CNTN5: variants seen among roughly 807,000 people sequenced by gnomAD.
The protein encoded by CNTN5 is contactin 5, also known as contactin-5.
Under a neutral mutation model 129.1 loss-of-function variants are expected in CNTN5, and 77 were observed. The ratio of observed to expected loss-of-function variants is 0.60; its 90% CI spans 0.50 to 0.72. The LOEUF (loss-of-function observed/expected upper bound fraction) is 0.72, where lower values mean the gene tolerates loss of function less well. CNTN5 is among the 30% of genes least tolerant of loss of function. CNTN5 has a pLI of 0.00. For synonymous variants in CNTN5, 509 were observed against 465.6 expected (o/e 1.09, Z -1.20); for missense variants, 1,478 against 1,328.8 (o/e 1.11, Z -1.75).
chr11:99,587,775 C>T (rs1016808133), intron 3 of CNTN5, among the ~76,000 whole-genome samples: 7 of 152,098 alleles, frequency 4.6e-5, no homozygotes, highest in East Asian at 1.9e-4. Context: ...AAAATAAATG[C>T]CATTTGCTAG....
At chr11:99,060,658 G>C (rs1366823249) in intron 1 of CNTN5, among the ~76,000 whole-genome samples, 1 of 151,152 alleles carries the variant, frequency 6.6e-6, no homozygotes, top group Non-Finnish European at 1.5e-5. Context: ...AGACCTATAG[G>C]GCACAAAAAG....
intron 6 of CNTN5, among the ~76,000 whole-genome samples, chr11:99,855,240 A>G (rs1461537576): frequency 6.6e-6 from 1 of 152,112 alleles, no homozygotes; most frequent in Non-Finnish European, 1.5e-5. Context: ...GCCCGGGAGT[A>G]CTAGGTGAGC....
At chr11:99,761,400 A>G (rs530628267) in intron 3 of CNTN5, among the ~76,000 whole-genome samples, 282 of 152,156 alleles carry the variant, frequency 1.9e-3, no homozygotes, top group Admixed American at 4.6e-3. Context: ...ATATCTCCCA[A>G]TGCTATCCAT....
intron 13 of CNTN5, among the ~76,000 whole-genome samples, chr11:100,100,019 T>C (rs1023302416): frequency 6.6e-6 from 1 of 152,144 alleles, no homozygotes; most frequent in East Asian, 1.9e-4. Flanking sequence ...TGACTGCTTT[T>C]CTTCTTAGTT....
At chr11:100,287,789 T>A (rs993136093) in intron 18 of CNTN5, among the ~76,000 whole-genome samples, 8 of 151,982 alleles carry the variant, frequency 5.3e-5, no homozygotes, top group African/African-American at 1.9e-4. Flanking sequence ...GACTAAATGC[T>A]CCAATTTAAA....
At chr11:99,430,136 T>C (rs1435157157) in intron 2 of CNTN5, among the ~76,000 whole-genome samples, 1 of 152,016 alleles carries the variant, frequency 6.6e-6, no homozygotes, top group African/African-American at 2.4e-5. Context: ...TGTGAGTTAT[T>C]AGACTCCTTC....
rs542472573 is a variant in CNTN5, at chr11:99,279,864, G to A, written c.-209-45482G>A. ...TATTATCAGTAATTACAGGTGGCTC[G>A]GTGCTTTCACCTGAAAGCACAGAGG... is the stretch of plus-strand genomic sequence containing the variant. On this transcript the variant is annotated intron_variant, in intron 1 of 24. Coordinates refer to ENST00000524871, the MANE Select transcript of CNTN5 (RefSeq NM_014361.4). Among the ~76,000 whole-genome samples, 767 of 151,340 alleles carry A rather than the reference G, an allele frequency of 5.1e-3. 4 individuals are homozygous for A. Among genetic ancestry groups the A allele is most frequent in the Non-Finnish European group, 8.6e-3 (584 of 67,700 alleles).
chr11:99,146,261 T>C (rs1279918982), intron 1 of CNTN5, among the ~76,000 whole-genome samples: 1 of 152,174 alleles, frequency 6.6e-6, no homozygotes, highest in African/African-American at 2.4e-5. Context: ...GTGGGTAATA[T>C]TAAAATTGTA....
intron 2 of CNTN5, among the ~76,000 whole-genome samples, chr11:99,379,282 A>G (rs1940379295): frequency 6.6e-6 from 1 of 151,158 alleles, no homozygotes; most frequent in African/African-American, 2.4e-5. Context: ...TATACGAATA[A>G]CTATGATGAA....
At chr11:99,754,113 C>G (rs1401395018) in intron 3 of CNTN5, among the ~76,000 whole-genome samples, 2 of 152,128 alleles carry the variant, frequency 1.3e-5, no homozygotes, top group South Asian at 2.1e-4. Context: ...TGGTGTAAGG[C>G]CAAACTGGCT....
At chr11:100,046,566 C>T (rs1183547870) in intron 9 of CNTN5, among the ~76,000 whole-genome samples, 2 of 151,746 alleles carry the variant, frequency 1.3e-5, no homozygotes, top group Non-Finnish European at 2.9e-5. Context: ...TTTAAGATTT[C>T]TCCATAGTGT....
At chr11:99,480,094 T>G (rs1430955503) in intron 2 of CNTN5, among the ~76,000 whole-genome samples, 2 of 152,200 alleles carry the variant, frequency 1.3e-5, no homozygotes, top group Non-Finnish European at 2.9e-5. Flanking sequence ...ATTTGTGATA[T>G]CTTTGATGCT....
chr11:99,293,294 G>A (rs915152247), intron 1 of CNTN5, among the ~76,000 whole-genome samples: 7 of 152,110 alleles, frequency 4.6e-5, no homozygotes, highest in African/African-American at 1.7e-4. Context: ...TGGTCATGGT[G>A]AATGATCTTT....
chr11:99,532,196 C>T (rs1440119927), intron 2 of CNTN5, among the ~76,000 whole-genome samples: 3 of 152,102 alleles, frequency 2.0e-5, no homozygotes, highest in Admixed American at 2.0e-4. Flanking sequence ...GGTTGTGAGA[C>T]CTGGAGTCAA....
intron 1 of CNTN5, among the ~76,000 whole-genome samples, chr11:99,034,543 T>C (rs1418636945): frequency 6.6e-6 from 1 of 151,704 alleles, no homozygotes; most frequent in African/African-American, 2.4e-5. Flanking sequence ...CTAGATTTTC[T>C]AGTTTATTTG....
chr11:99,250,482 T>C (rs1159743617), intron 1 of CNTN5, among the ~76,000 whole-genome samples: 1 of 151,960 alleles, frequency 6.6e-6, no homozygotes, highest in African/African-American at 2.4e-5. Context: ...CTTGGTATGT[T>C]TGACAGTAGT....
At chr11:99,147,023 A>G (rs559320338) in intron 1 of CNTN5, among the ~76,000 whole-genome samples, 1 of 152,294 alleles carries the variant, frequency 6.6e-6, no homozygotes, top group South Asian at 2.1e-4. Context: ...ATTAAGCACT[A>G]TATTGAGGAC....
At chr11:99,819,456 G>T in intron 3 of CNTN5, 88 bp from the exon 4 acceptor site, 2 of 1,154,390 alleles carry the variant, frequency 1.7e-6, no homozygotes, top group African/African-American at 1.6e-5. Context: ...AAGGTTTTTA[G>T]TAATGTCTTC....
intron 1 of CNTN5, among the ~76,000 whole-genome samples, chr11:99,025,200 A>G: frequency 6.6e-6 from 1 of 151,964 alleles, no homozygotes; most frequent in East Asian, 1.9e-4. Flanking sequence ...ATAAAAAGCA[A>G]GAAGCCAATA....
Sources: gnomAD v4.1 joint callset for allele counts (sites outside exome capture counted in the v4.1 genomes callset) on GRCh38, gnomAD v4.1.1 for gene constraint, MANE v1.5 for transcripts, NCBI Gene and HGNC (gene_info 2026-07-23, HGNC 2026-07-21) for gene names.